The following TSPAN16 variants were observed in gnomAD, a reference collection of about 807,000 sequenced individuals.
TSPAN16 encodes tetraspanin 16.
A neutral mutation model predicts 25.2 loss-of-function variants in TSPAN16; 23 were observed. The observed-to-expected ratio is 0.91, with a 90% CI of 0.66 to 1.29. TSPAN16 has a LOEUF of 1.29. Among genes scored for constraint, TSPAN16 ranks in the 50% most tolerant of loss-of-function variants. The probability of loss-of-function intolerance (pLI) is 0.00; values close to 1 mark genes in which losing one functional copy is unlikely to be tolerated. For synonymous variants in TSPAN16, 123 were observed against 124.4 expected, an observed-to-expected ratio of 0.99 and a Z score of 0.08; for missense variants, 272 against 299.9, an observed-to-expected ratio of 0.91 and a Z score of 0.69.
intron 6 of TSPAN16, among the ~76,000 whole-genome samples, chr19:11,312,745 AGAGTGAGAT>A (rs2080706850): frequency 6.6e-6 from 1 of 152,166 alleles, no homozygotes; most frequent in Admixed American, 6.6e-5. Flanking sequence ...CCTGAGTGAC[AGAGTGAGAT>A]CATGTCACAA....
intron 5 of TSPAN16, among the ~76,000 whole-genome samples, chr19:11,309,038 G>A (rs984831410): frequency 6.6e-6 from 1 of 151,902 alleles, no homozygotes; most frequent in Non-Finnish European, 1.5e-5. Context: ...GCAAGATGCC[G>A]TTTTTACAAA....
chr19:11,316,244 G>A (rs942926513), downstream of TSPAN16, among the ~76,000 whole-genome samples: 9 of 151,584 alleles, frequency 5.9e-5, no homozygotes, highest in Admixed American at 2.0e-4. Flanking sequence ...TCAGTCTCCC[G>A]AGTAGCTGGG....
chr19:11,310,618 C>T (rs190902853), intron 5 of TSPAN16, among the ~76,000 whole-genome samples: 2 of 151,824 alleles, frequency 1.3e-5, no homozygotes, highest in African/African-American at 4.8e-5. Flanking sequence ...TATCTCTGAG[C>T]CTCAGTTTCC....
downstream of TSPAN16, among the ~76,000 whole-genome samples, chr19:11,318,686 G>A (rs760412124): frequency 2.7e-5 from 4 of 150,826 alleles, no homozygotes; most frequent in Admixed American, 6.6e-5. Context: ...TTGCTCTGTC[G>A]CCCAAGCTGG....
downstream of TSPAN16, among the ~76,000 whole-genome samples, chr19:11,320,058 C>A (rs966273577): frequency 2.0e-5 from 3 of 151,622 alleles, no homozygotes; most frequent in Non-Finnish European, 4.4e-5. Flanking sequence ...GACCTCGTGA[C>A]CTGCCCGCCT....
At chr19:11,308,849 TC>T (rs953329546) in intron 5 of TSPAN16, among the ~76,000 whole-genome samples, 1 of 152,102 alleles carries the variant, frequency 6.6e-6, no homozygotes, top group Non-Finnish European at 1.5e-5. Flanking sequence ...CCTCAGGTGA[TC>T]CTCCCACCTC....
chr19:11,301,341 G>A (rs2147937967), intron 4 of TSPAN16, 33 bp downstream of exon 4: 10 of 1,548,560 alleles, frequency 6.5e-6, no homozygotes, highest in Non-Finnish European at 8.9e-6. Flanking sequence ...AAATTGTGGT[G>A]TAAAGGTACA....
intron 4 of TSPAN16, among the ~76,000 whole-genome samples, chr19:11,304,380 A>G (rs1599335114): frequency 1.3e-5 from 2 of 151,272 alleles, no homozygotes; most frequent in Non-Finnish European, 2.9e-5. Flanking sequence ...CGTACTCCCA[A>G]AACTCAGGCT....
intron 5 of TSPAN16, among the ~76,000 whole-genome samples, 167 bp from the exon 6 acceptor site, chr19:11,311,972 G>A (rs1467371932): frequency 6.6e-6 from 1 of 152,074 alleles, no homozygotes; most frequent in South Asian, 2.1e-4. Context: ...GGCGGGGAGC[G>A]GGTGGCAGTC....
intron 4 of TSPAN16, among the ~76,000 whole-genome samples, chr19:11,302,203 A>G (rs918728711): frequency 5.9e-5 from 9 of 152,052 alleles, no homozygotes; most frequent in African/African-American, 2.2e-4. Flanking sequence ...CACCATCTCT[A>G]GAACTTCCTT....
At position 11,312,540 on chromosome 19, in the gene TSPAN16, T is replaced by C. The variant is rs187316905; in HGVS notation, c.687+318T>C. Among the ~76,000 whole-genome samples, 731 of 152,024 alleles carry C rather than the reference T, an allele frequency of 4.8e-3. 10 individuals are homozygous for C. Among genetic ancestry groups the C allele is most frequent in the Admixed American group, 0.027 (410 of 15,248 alleles). ...TGGGAGGCTGAGGCAGGAGGACTGC[T>C]TGAGCCCAGGAGTTCAAAATCAGCC... On this transcript the variant is annotated intron_variant, in intron 6 of 6. Transcript: ENST00000590327.
chr19:11,325,203 G>C (rs556429898), intron 6 of TSPAN16: 2 of 548,312 alleles, frequency 3.6e-6, no homozygotes, highest in South Asian at 2.2e-5. Context: ...ATGGTCCGCA[G>C]CCTCCCACCG....
intron 6 of TSPAN16, among the ~76,000 whole-genome samples, chr19:11,321,679 G>A (rs1297241574): frequency 6.6e-6 from 1 of 152,168 alleles, no homozygotes; most frequent in African/African-American, 2.4e-5. Flanking sequence ...GATGAGGGTA[G>A]GGAAGGGATG....
At chr19:11,310,255 G>A (rs1399178093) in intron 5 of TSPAN16, among the ~76,000 whole-genome samples, 4 of 152,094 alleles carry the variant, frequency 2.6e-5, no homozygotes, top group Admixed American at 6.6e-5. Context: ...GCCGGGTGTG[G>A]TGGCTCACGC....
intron 3 of TSPAN16, among the ~76,000 whole-genome samples, chr19:11,300,329 AC>A (rs1456449817): frequency 2.6e-5 from 4 of 152,222 alleles, no homozygotes; most frequent in Admixed American, 1.3e-4. Context: ...TAGAACATGC[AC>A]CTAGGTTATT....
intron 6 of TSPAN16, among the ~76,000 whole-genome samples, 197 bp from the exon 7 acceptor site, chr19:11,315,594 A>C (rs993303039): frequency 6.6e-6 from 1 of 151,374 alleles, no homozygotes; most frequent in Non-Finnish European, 1.5e-5. Context: ...AATAATAATA[A>C]ATAAAAAATA....
intron 6 of TSPAN16, chr19:11,322,822 C>T (rs1381876641): frequency 6.6e-6 from 1 of 152,212 alleles, no homozygotes; most frequent in African/African-American, 2.4e-5. Context: ...TGTTTCTCAT[C>T]ACACAGGTGA....
intron 4 of TSPAN16, among the ~76,000 whole-genome samples, chr19:11,302,274 C>T (rs1426033417): frequency 6.6e-6 from 1 of 152,012 alleles, no homozygotes; most frequent in Non-Finnish European, 1.5e-5. Context: ...CCTCCCCAAG[C>T]CCCTGGCACC....
chr19:11,326,847 C>T (rs533625012), exon 7 of TSPAN16: 124 of 653,908 alleles, frequency 1.9e-4, no homozygotes, highest in African/African-American at 1.2e-3. Flanking sequence ...TGGCCTAAAG[C>T]GATCCCCCCG....
Sources: gnomAD v4.1 joint callset for allele counts (sites outside exome capture counted in the v4.1 genomes callset) on GRCh38, gnomAD v4.1.1 for gene constraint, MANE v1.5 for transcripts, NCBI Gene and HGNC (gene_info 2026-07-23, HGNC 2026-07-21) for gene names.